SLC38A11: variants seen among roughly 807,000 people sequenced by gnomAD.
SLC38A11 encodes putative sodium-coupled neutral amino acid transporter 11.
Under a neutral mutation model 49.4 loss-of-function variants are expected in SLC38A11, and 51 were observed. That is an observed-to-expected ratio of 1.03 (90% CI 0.83 to 1.30). The LOEUF (loss-of-function observed/expected upper bound fraction) is 1.30. Among genes scored for constraint, SLC38A11 ranks in the 50% most tolerant of loss-of-function variants. SLC38A11 has a pLI of 0.00. For synonymous variants in SLC38A11, 203 were observed against 192.9 expected (o/e 1.05, Z -0.43); for missense variants, 574 against 556.2 (o/e 1.03, Z -0.32).
At chr2:164,916,423 G>C (rs1685793069) in intron 7 of SLC38A11, among the ~76,000 whole-genome samples, 1 of 152,202 alleles carries the variant, frequency 6.6e-6, no homozygotes, top group South Asian at 2.1e-4. Flanking sequence ...TTTATTGAGA[G>C]AGGTAAACAT....
Position 164,939,482 on chromosome 2 carries a change from A to G in SLC38A11, c.505T>C (p.Ser169Pro), listed in dbSNP as rs1687598406. Residue 169 changes from serine to proline, a missense_variant, in exon 6 of 12, where the codon TCC (serine) becomes CCC (proline). Transcript: ENST00000685975. ...AGCTTTGCTATATTTCGGTACAAGG[A>G]TAAAGGCAGAGTAAAGGTAACTGTG... is the stretch of plus-strand genomic sequence containing the variant. ...LSTVTFTLPL[S>P]LYRNIAKLGK... 39 of 1,610,512 alleles carry G rather than the reference A, an allele frequency of 2.4e-5. No individual in the cohort carries two copies. Among genetic ancestry groups the G allele is most frequent in the Non-Finnish European group, 3.3e-5 (39 of 1,177,988 alleles).
chr2:164,915,004 G>T, intron 9 of SLC38A11, 108 bp downstream of exon 9: 3 of 1,024,948 alleles, frequency 2.9e-6, no homozygotes, highest in Non-Finnish European at 4.1e-6. Flanking sequence ...GTGGAAGAGA[G>T]TAATCTTTGA....
At chr2:164,948,312 C>A (rs2105515380) in intron 3 of SLC38A11, among the ~76,000 whole-genome samples, 1 of 152,282 alleles carries the variant, frequency 6.6e-6, no homozygotes, top group South Asian at 2.1e-4. Flanking sequence ...ATGATAACAA[C>A]CACAAACTAC....
chr2:164,922,188 A>C (rs1046988434), intron 7 of SLC38A11: 2 of 152,220 alleles, frequency 1.3e-5, no homozygotes, highest in African/African-American at 4.8e-5. Context: ...GATCAGGAGA[A>C]TCAAAAAACA....
Position 164,937,425 on chromosome 2 carries a change from G to C in SLC38A11, c.542C>G (p.Ser181Cys). The C allele has an allele frequency of 6.2e-7, 1 of 1,602,194 alleles. No homozygotes were observed. ...AGTTGTTAAACCTGTAGAGATGAGG[G>C]AGACCTGTAAAAGAAAATACAAGGA... ...YRNIAKLGKVSLISTGLTTLI... is the reference protein window; with the variant it reads ...YRNIAKLGKVCLISTGLTTLI... The change falls in exon 7 of 12, where the codon TCC becomes TGC. Residue 181 changes from serine (S) to cysteine (C), a missense_variant. Physicochemically the swap from Ser to Cys is moderately radical, Grantham distance 112. Transcript: ENST00000685975.
At chr2:164,953,880 T>C (rs1410104804) in intron 2 of SLC38A11, among the ~76,000 whole-genome samples, 3 of 152,164 alleles carry the variant, frequency 2.0e-5, no homozygotes, top group East Asian at 1.9e-4. Flanking sequence ...TGTTTTCAGA[T>C]ACCAAAAAGA....
At chr2:164,939,988 T>C (rs1003455827) in intron 5 of SLC38A11, among the ~76,000 whole-genome samples, 2 of 119,090 alleles carry the variant, frequency 1.7e-5, no homozygotes, top group South Asian at 6.6e-4. Flanking sequence ...TGATGCATTT[T>C]CTAAGGTTTT....
intron 11 of SLC38A11, among the ~76,000 whole-genome samples, chr2:164,900,150 T>C (rs1352819076): frequency 6.6e-6 from 1 of 152,124 alleles, no homozygotes; most frequent in South Asian, 2.1e-4. Context: ...CTGAATAATA[T>C]TCCATGTTAC....
chr2:164,924,170 A>G (rs1686409124), intron 7 of SLC38A11, among the ~76,000 whole-genome samples: 1 of 152,198 alleles, frequency 6.6e-6, no homozygotes, highest in Admixed American at 6.5e-5. Flanking sequence ...TTGCAGCTAC[A>G]TGGATGCAGC....
rs1467982162 is a variant in SLC38A11, at chr2:164,915,867, C to T, written c.688+36G>A. 4 of 1,515,990 alleles carry T rather than the reference C, an allele frequency of 2.6e-6. No homozygotes were observed. The South Asian group carries it at 3.6e-5, about 14-fold the overall frequency. 93.9% of individuals were successfully genotyped at this position (1,515,990 alleles called of 1,614,324 possible). ...CACTTTTTCATGGAACAGAGAACTC[C>T]ACATTGAGAAAGGGCCTTTGAAACC... is the stretch of plus-strand genomic sequence containing the variant. On this transcript the variant is annotated intron_variant, in intron 8 of 11. Coordinates refer to ENST00000685975, the MANE Select transcript of SLC38A11 (RefSeq NM_001351537.2).
At chr2:164,936,232 T>A (rs1559118766) in intron 7 of SLC38A11, among the ~76,000 whole-genome samples, 1 of 152,198 alleles carries the variant, frequency 6.6e-6, no homozygotes, top group Admixed American at 6.5e-5. Context: ...GAAAAGGCTA[T>A]ATCAAATGCA....
At chr2:164,919,023 A>G (rs1350078180) in intron 7 of SLC38A11, among the ~76,000 whole-genome samples, 2 of 152,164 alleles carry the variant, frequency 1.3e-5, no homozygotes, top group Non-Finnish European at 2.9e-5. Flanking sequence ...AATACAGAAA[A>G]AAAGAAATCA....
intron 11 of SLC38A11, among the ~76,000 whole-genome samples, chr2:164,907,252 C>T (rs1222559029): frequency 6.7e-6 from 1 of 149,348 alleles, no homozygotes; most frequent in Non-Finnish European, 1.5e-5. Context: ...CCATCCATTT[C>T]CCTCTGTCTT....
In SLC38A11 at chr2:164,915,174, G is replaced by T; in HGVS notation, c.788C>A (p.Ser263Tyr). Residue 263 changes from serine (S) to tyrosine (Y), a missense_variant, in exon 9 of 12, where the codon TCT becomes TAT. Ser to Tyr is a moderately radical substitution (Grantham distance 144). Coordinates refer to ENST00000685975, the MANE Select transcript of SLC38A11 (RefSeq NM_001351537.2). ...SRLIHMSIVI[S>Y]VFICIFFATC... ...AGCAAAGAATATACAGATAAATACA[G>T]AAATCACGATGGACATATGGATAAG... is the stretch of plus-strand genomic sequence containing the variant. 1 of 1,612,440 alleles carries T rather than the reference G, an allele frequency of 6.2e-7. No homozygotes were observed.
intron 11 of SLC38A11, among the ~76,000 whole-genome samples, chr2:164,900,574 T>C (rs1380781147): frequency 6.6e-6 from 1 of 152,106 alleles, no homozygotes. Flanking sequence ...CTTTTTCGTA[T>C]ACCTGTTGGC....
chr2:164,908,786 G>C lies in SLC38A11; in HGVS notation c.964-15C>G, dbSNP rs1380332126. ...TTGGCAATTACCTGCCGAATAAACA[G>C]ATTATTTTGAGAGGGACTTTTAAAG... On this transcript the variant is annotated splice_polypyrimidine_tract_variant and intron_variant, in intron 10 of 11. Coordinates refer to ENST00000685975, the MANE Select transcript of SLC38A11 (RefSeq NM_001351537.2). 6.3e-7 allele frequency: 1 copy of C among 1,599,432 alleles called. No homozygotes were observed. The highest frequency in any genetic ancestry group is 1.3e-5 in the African/African-American group (1 of 74,402).
chr2:164,926,977 C>T (rs932402734), intron 7 of SLC38A11, among the ~76,000 whole-genome samples: 35 of 151,318 alleles, frequency 2.3e-4, no homozygotes, highest in African/African-American at 7.8e-4. Flanking sequence ...CAAACCTGCA[C>T]GTTGTGCACA....
chr2:164,935,506 C>A (rs867555152), intron 7 of SLC38A11, among the ~76,000 whole-genome samples: 1,246 of 102,840 alleles, frequency 0.012, no homozygotes, highest in African/African-American at 0.02. Flanking sequence ...TCCATCTCTA[C>A]AAAAAAAAAA....
intron 9 of SLC38A11, chr2:164,911,986 G>T (rs183592811): frequency 3.5e-6 from 1 of 288,244 alleles, no homozygotes; most frequent in African/African-American, 2.2e-5. Flanking sequence ...TATAGCCTAG[G>T]AGCAATAAGC....
Sources: gnomAD v4.1 joint callset for allele counts (sites outside exome capture counted in the v4.1 genomes callset) on GRCh38, gnomAD v4.1.1 for gene constraint, MANE v1.5 for transcripts, NCBI Gene and HGNC (gene_info 2026-07-23, HGNC 2026-07-21) for gene names.